The following STIM2 variants were observed in gnomAD, a reference collection of about 807,000 sequenced individuals.
STIM2 encodes the protein stromal interaction molecule 2.
In STIM2, 31 loss-of-function variants were observed where a neutral mutation model predicts 85.8. The ratio of observed to expected loss-of-function variants is 0.36; its 90% CI spans 0.27 to 0.49. The LOEUF is 0.49. STIM2 is among the 20% of genes least tolerant of loss of function. The pLI is 0.98. For missense variants in STIM2, 841 were observed against 927.6 expected, an observed-to-expected ratio of 0.91 and a Z score of 1.21; for synonymous variants, 356 against 331.1, an observed-to-expected ratio of 1.08 and a Z score of -0.82.
At chr4:26,873,514 T>C in intron 1 of STIM2, 1 of 356,748 alleles carries the variant, frequency 2.8e-6, no homozygotes, top group South Asian at 2.6e-5. Flanking sequence ...TGTTATTTCC[T>C]TGTTAGCAGT....
At chr4:26,984,873 G>T (rs1727527263) in intron 3 of STIM2, among the ~76,000 whole-genome samples, 1 of 152,124 alleles carries the variant, frequency 6.6e-6, no homozygotes, top group Non-Finnish European at 1.5e-5. Flanking sequence ...ACATTTGCCA[G>T]CATTTACCTA....
intron 3 of STIM2, among the ~76,000 whole-genome samples, chr4:26,986,722 T>A (rs1727598798): frequency 1.3e-5 from 2 of 152,240 alleles, no homozygotes; most frequent in Non-Finnish European, 2.9e-5. Context: ...GAGCCAAGGA[T>A]TCACCAGTGC....
chr4:26,937,448 C>G (rs535350354), intron 2 of STIM2, among the ~76,000 whole-genome samples: 1 of 152,230 alleles, frequency 6.6e-6, no homozygotes, highest in African/African-American at 2.4e-5. Flanking sequence ...TTGCATTGAT[C>G]TAATATACTT....
At chr4:26,970,035 T>TA (rs1437522916) in intron 3 of STIM2, among the ~76,000 whole-genome samples, 2 of 151,462 alleles carry the variant, frequency 1.3e-5, no homozygotes, top group African/African-American at 4.8e-5. Context: ...TCTTTTTATT[T>TA]AAAATAGATT....
At chr4:26,914,183 C>T (rs1401419905) in intron 1 of STIM2, among the ~76,000 whole-genome samples, 1 of 152,110 alleles carries the variant, frequency 6.6e-6, no homozygotes, top group Non-Finnish European at 1.5e-5. Context: ...CTGGCCTTCG[C>T]TTATACTTTT....
chr4:26,970,295 C>T (rs180896498), intron 3 of STIM2, among the ~76,000 whole-genome samples: 159 of 149,582 alleles, frequency 1.1e-3, no homozygotes, highest in African/African-American at 3.2e-3. Context: ...ACGTGCACAA[C>T]GTGCAGTTTT....
At chr4:26,863,569 A>G (rs772991659) in intron 1 of STIM2, among the ~76,000 whole-genome samples, 3 of 152,058 alleles carry the variant, frequency 2.0e-5, no homozygotes, top group Non-Finnish European at 2.9e-5. Context: ...TTATGGTTCT[A>G]TTTGTAAATG....
chr4:26,896,762 A>G (rs1723725142), intron 1 of STIM2, among the ~76,000 whole-genome samples: 1 of 152,164 alleles, frequency 6.6e-6, no homozygotes, highest in Non-Finnish European at 1.5e-5. Context: ...AGGCATTGGT[A>G]TTTCTTTGTG....
At position 27,017,561 on chromosome 4, in the gene STIM2, A is replaced by G. The variant is rs1166010295; in HGVS notation, c.1490-150A>G. 1.7e-5 allele frequency: 17 copies of G among 993,014 alleles called. No individual in the cohort carries two copies. In the East Asian group the frequency reaches 2.7e-4, roughly 16 times the overall value. 61.5% of individuals were successfully genotyped at this position (993,014 alleles called of 1,614,324 possible). A position where few individuals can be genotyped will look rare whatever the true frequency, so the allele number is the denominator to read the frequency against. On this transcript the variant is annotated intron_variant, in intron 10 of 11. Transcript: ENST00000467087. Reference sequence around the variant, plus strand: ...TTAACTTTCCTAGTGTAGGTAGTAGAGAATGGTAATAACTGTACAGTAACT... The same window carrying G: ...TTAACTTTCCTAGTGTAGGTAGTAGGGAATGGTAATAACTGTACAGTAACT...
chr4:26,943,821 C>A (rs1041914447), intron 2 of STIM2, among the ~76,000 whole-genome samples: 7 of 151,982 alleles, frequency 4.6e-5, no homozygotes, highest in Non-Finnish European at 8.8e-5. Context: ...CTTTATTGGT[C>A]TTACCCCTGT....
At chr4:26,914,130 C>A (rs1475976888) in intron 1 of STIM2, among the ~76,000 whole-genome samples, 1 of 152,082 alleles carries the variant, frequency 6.6e-6, no homozygotes, top group Non-Finnish European at 1.5e-5. Context: ...GTTTTTTTCT[C>A]CTTGATTGTC....
chr4:26,977,919 G>T (rs1377057757), intron 3 of STIM2, among the ~76,000 whole-genome samples: 1 of 152,154 alleles, frequency 6.6e-6, no homozygotes, highest in Non-Finnish European at 1.5e-5. Flanking sequence ...GGAGAATGTG[G>T]GGACCTAGAC....
chr4:26,999,443 TAAG>T (rs1728069681), intron 5 of STIM2, 96 bp downstream of exon 5: 2 of 572,572 alleles, frequency 3.5e-6, no homozygotes, highest in East Asian at 7.5e-5. Flanking sequence ...AGTAGGCCTC[TAAG>T]AAGAATCATC....
chr4:26,885,869 A>G (rs56783998), intron 1 of STIM2, among the ~76,000 whole-genome samples: 5,210 of 105,162 alleles, frequency 0.05, 493 homozygotes, highest in African/African-American at 0.14. Flanking sequence ...ATATATATAT[A>G]TATATGTATA....
At chr4:26,880,927 A>G (rs1560192726) in intron 1 of STIM2, among the ~76,000 whole-genome samples, 1 of 152,006 alleles carries the variant, frequency 6.6e-6, no homozygotes, top group African/African-American at 2.4e-5. Flanking sequence ...ATGCAAGTGT[A>G]GACAAGAGAA....
intron 3 of STIM2, among the ~76,000 whole-genome samples, chr4:26,968,584 G>A (rs1726818727): frequency 6.6e-6 from 1 of 152,142 alleles, no homozygotes; most frequent in African/African-American, 2.4e-5. Context: ...GATGAAAAGA[G>A]TTCTGGAGAT....
At chr4:27,001,673 A>G (rs1415853675) in intron 5 of STIM2, among the ~76,000 whole-genome samples, 1 of 152,214 alleles carries the variant, frequency 6.6e-6, no homozygotes, top group Non-Finnish European at 1.5e-5. Context: ...CAAAATTGTC[A>G]AATGTCTGCT....
At chr4:26,877,999 C>G (rs1328831033) in intron 1 of STIM2, among the ~76,000 whole-genome samples, 1 of 152,110 alleles carries the variant, frequency 6.6e-6, no homozygotes, top group South Asian at 2.1e-4. Flanking sequence ...ATGCTGGTGT[C>G]TTCATCTTGG....
intron 2 of STIM2, among the ~76,000 whole-genome samples, chr4:26,921,736 CTG>C (rs1333418301): frequency 6.6e-6 from 1 of 152,174 alleles, no homozygotes; most frequent in Non-Finnish European, 1.5e-5. Context: ...GTCTAGATTA[CTG>C]TCTCTAAGTT....
Sources: allele counts gnomAD v4.1 joint callset (sites outside exome capture counted in the v4.1 genomes callset), GRCh38; gene constraint gnomAD v4.1.1; transcripts MANE v1.5; gene names NCBI Gene and HGNC (gene_info 2026-07-23, HGNC 2026-07-21).